The following KCNIP1 variants were observed in gnomAD, a reference collection of about 807,000 sequenced individuals.
The protein encoded by KCNIP1 is potassium voltage-gated channel interacting protein 1.
KCNIP1 carries 18 observed loss-of-function variants against 33.0 expected under a neutral mutation model. That is an observed-to-expected ratio of 0.55 (90% CI 0.38 to 0.81). KCNIP1 has a LOEUF of 0.81. Among genes scored for constraint, KCNIP1 ranks in the 30% least tolerant of loss-of-function variants. KCNIP1 has a pLI of 0.00. For missense variants in KCNIP1, 238 were observed against 271.6 expected, an observed-to-expected ratio of 0.88 and a Z score of 0.87; for synonymous variants, 93 against 98.3, an observed-to-expected ratio of 0.95 and a Z score of 0.32.
At chr5:170,656,634 C>T (rs1761275635) in intron 1 of KCNIP1, among the ~76,000 whole-genome samples, 1 of 152,162 alleles carries the variant, frequency 6.6e-6, no homozygotes, top group Non-Finnish European at 1.5e-5. Flanking sequence ...GGAGAGGCCA[C>T]CCATGAAGAT....
chr5:170,596,244 A>G (rs1487648666), intron 1 of KCNIP1, among the ~76,000 whole-genome samples: 1 of 152,222 alleles, frequency 6.6e-6, no homozygotes. Flanking sequence ...TCACCTGTCC[A>G]TTGGTAAGTC....
At chr5:170,540,600 GAGA>G (rs1756163340) in intron 1 of KCNIP1, among the ~76,000 whole-genome samples, 1 of 152,230 alleles carries the variant, frequency 6.6e-6, no homozygotes, top group African/African-American at 2.4e-5. Flanking sequence ...AGTAATGACT[GAGA>G]AGATTGGGCA....
intron 1 of KCNIP1, among the ~76,000 whole-genome samples, chr5:170,578,919 G>T (rs968580882): frequency 1.3e-5 from 2 of 152,112 alleles, no homozygotes; most frequent in Non-Finnish European, 2.9e-5. Context: ...AAGAGGGAGG[G>T]CCCTGAGGTG....
intron 1 of KCNIP1, among the ~76,000 whole-genome samples, chr5:170,487,265 CAT>C (rs1479814859): frequency 1.3e-5 from 2 of 152,122 alleles, no homozygotes; most frequent in Middle Eastern, 3.2e-3. Flanking sequence ...GAAGTTTACC[CAT>C]ATTATGGAGA....
upstream of KCNIP1, among the ~76,000 whole-genome samples, chr5:170,500,433 A>C (rs555168374): frequency 6.6e-6 from 1 of 152,190 alleles, no homozygotes; most frequent in Non-Finnish European, 1.5e-5. Flanking sequence ...CTCAGGTTGG[A>C]TGGGGCTGGC....
At chr5:170,379,029 G>A in intron 1 of KCNIP1, 1 of 1,582,168 alleles carries the variant, frequency 6.3e-7, no homozygotes, top group Non-Finnish European at 8.6e-7. Context: ...TCTTAGCCAA[G>A]GGCTTGATAT....
intron 1 of KCNIP1, among the ~76,000 whole-genome samples, chr5:170,515,948 T>G (rs985048983): frequency 6.6e-6 from 1 of 152,174 alleles, no homozygotes; most frequent in Middle Eastern, 3.2e-3. Flanking sequence ...AGTGAAGTTC[T>G]AGGCAGAAGG....
intron 1 of KCNIP1, among the ~76,000 whole-genome samples, chr5:170,688,971 A>G (rs2113810797): frequency 6.6e-6 from 1 of 151,012 alleles, no homozygotes; most frequent in East Asian, 2.0e-4. Context: ...GGAAGGGTGG[A>G]AAGAAGGAAG....
intron 1 of KCNIP1, chr5:170,378,928 C>T: frequency 6.2e-7 from 1 of 1,614,160 alleles, no homozygotes; most frequent in Non-Finnish European, 8.5e-7. Context: ...TCCACGTCGG[C>T]CCGGGCCGTC....
chr5:170,485,495 A>G (rs1581234418), intron 1 of KCNIP1, among the ~76,000 whole-genome samples: 1 of 152,338 alleles, frequency 6.6e-6, no homozygotes, highest in East Asian at 1.9e-4. Flanking sequence ...CTAGACTCAC[A>G]CACAGACACA....
chr5:170,367,416 AGAAAGGAAAGAAAGAAAGAAAG>A (rs1763715079), intron 1 of KCNIP1, among the ~76,000 whole-genome samples: 1 of 119,902 alleles, frequency 8.3e-6, no homozygotes, highest in Non-Finnish European at 1.8e-5. Context: ...AAAGAAAGAA[AGAAAGGAAAGAAAGAAAGAAAG>A]GAAAGAAAGG....
At chr5:170,405,315 C>T (rs892866771) in intron 1 of KCNIP1, among the ~76,000 whole-genome samples, 2 of 152,084 alleles carry the variant, frequency 1.3e-5, no homozygotes, top group African/African-American at 4.8e-5. Context: ...CTACCTCAGC[C>T]TCCCAAGTAG....
chr5:170,653,389 T>A (rs761491185), intron 1 of KCNIP1, among the ~76,000 whole-genome samples: 4 of 151,632 alleles, frequency 2.6e-5, no homozygotes, highest in Non-Finnish European at 5.9e-5. Context: ...TTCCTTCTCC[T>A]CACTCTTCAT....
At chr5:170,415,101 T>A (rs1024150649) in intron 1 of KCNIP1, among the ~76,000 whole-genome samples, 2 of 152,170 alleles carry the variant, frequency 1.3e-5, no homozygotes, top group Middle Eastern at 3.2e-3. Flanking sequence ...GTCATATATA[T>A]TTTTCTCTCT....
chr5:170,483,394 C>T (rs1426802858), intron 1 of KCNIP1, among the ~76,000 whole-genome samples: 1 of 152,230 alleles, frequency 6.6e-6, no homozygotes, highest in African/African-American at 2.4e-5. Context: ...GTGGACCTAG[C>T]CATCCTCTCC....
chr5:170,447,564 C>T (rs570555240), intron 1 of KCNIP1, among the ~76,000 whole-genome samples: 3 of 152,240 alleles, frequency 2.0e-5, no homozygotes, highest in Admixed American at 6.5e-5. Flanking sequence ...CTCTAGCTCC[C>T]AGGGGCAGCA....
At chr5:170,461,339 GC>G (rs1359322501) in intron 1 of KCNIP1, among the ~76,000 whole-genome samples, 2 of 152,132 alleles carry the variant, frequency 1.3e-5, no homozygotes, top group African/African-American at 4.8e-5. Context: ...GCAAAAAAGA[GC>G]CCACATAGCC....
Position 170,719,421 on chromosome 5 carries a change from T to C in KCNIP1, c.186+539T>C, listed in dbSNP as rs1041590827. 4.6e-5 allele frequency among the ~76,000 whole-genome samples: 7 copies of C among 152,344 alleles called. No homozygotes were observed. In the East Asian group the frequency reaches 9.6e-4, roughly 21 times the overall value. Reference sequence around the variant, plus strand: ...AGAGGACGGGAGTTCCTTGTTTAGTTGTTACTTTAAATACATTAATGTGTT... The same window carrying C: ...AGAGGACGGGAGTTCCTTGTTTAGTCGTTACTTTAAATACATTAATGTGTT... On this transcript the variant is annotated intron_variant, in intron 2 of 7. Transcript: ENST00000328939.
chr5:170,580,772 C>G (rs1408305923), intron 1 of KCNIP1, among the ~76,000 whole-genome samples: 1 of 152,178 alleles, frequency 6.6e-6, no homozygotes, highest in Non-Finnish European at 1.5e-5. Context: ...GAAGATTTAT[C>G]AAGAGCCAGA....
Sources: gnomAD v4.1 joint callset for allele counts (sites outside exome capture counted in the v4.1 genomes callset) on GRCh38, gnomAD v4.1.1 for gene constraint, MANE v1.5 for transcripts, NCBI Gene and HGNC (gene_info 2026-07-23, HGNC 2026-07-21) for gene names.